The following CEP192 variants were observed in gnomAD, a reference collection of about 807,000 sequenced individuals.
CEP192 encodes the protein centrosomal protein of 192 kDa.
A neutral mutation model predicts 271.8 loss-of-function variants in CEP192; 151 were observed. The observed-to-expected ratio is 0.56, with a 90% CI of 0.49 to 0.64. The LOEUF is 0.64. CEP192 is among the 30% of genes least tolerant of loss of function. CEP192 has a pLI of 0.00. For synonymous variants in CEP192, 995 were observed against 1,076.5 expected (o/e 0.92, Z 1.48); for missense variants, 2,910 against 3,020.5 (o/e 0.96, Z 0.86).
At chr18:13,122,895 A>G (rs2040738810) in intron 44 of CEP192, among the ~76,000 whole-genome samples, 1 of 152,042 alleles carries the variant, frequency 6.6e-6, no homozygotes, top group African/African-American at 2.4e-5. Flanking sequence ...TAGTATTACA[A>G]AGTACTTTTT....
intron 15 of CEP192, among the ~76,000 whole-genome samples, chr18:13,045,942 G>C (rs765055800): frequency 1.6e-4 from 24 of 152,110 alleles, no homozygotes; most frequent in Non-Finnish European, 2.6e-4. Flanking sequence ...TTATATTTCA[G>C]ATGTTATAGG....
chr18:13,087,519 TC>T lies in CEP192; in HGVS notation c.5878-11del. ...TTAATATTTACTCCTGATTTTTTTT[TC>T]TTGGCATCAGAATGTTACTTTAATA... On this transcript the variant is annotated splice_polypyrimidine_tract_variant and intron_variant, in intron 31 of 44. Coordinates refer to ENST00000506447, the MANE Select transcript of CEP192 (RefSeq NM_032142.4). The T allele has an allele frequency of 4.8e-6, 6 of 1,261,398 alleles. No individual in the cohort carries two copies. Among genetic ancestry groups the T allele is most frequent in the South Asian group, 2.7e-5 (2 of 73,290 alleles). 78.1% of individuals were successfully genotyped at this position (1,261,398 alleles called of 1,614,324 possible).
intron 32 of CEP192, chr18:13,088,994 AT>A: frequency 4.0e-5 from 15 of 377,432 alleles, no homozygotes; most frequent in South Asian, 6.1e-5. Context: ...CAGTAGTGAG[AT>A]TTTTTTTGTG....
intron 9 of CEP192, among the ~76,000 whole-genome samples, chr18:13,025,675 T>C (rs745438768): frequency 6.6e-6 from 1 of 152,254 alleles, no homozygotes; most frequent in Non-Finnish European, 1.5e-5. Context: ...AACATTACAC[T>C]GCTTAACAGG....
chr18:13,034,046 A>G (rs958952370), intron 11 of CEP192, among the ~76,000 whole-genome samples: 5 of 152,190 alleles, frequency 3.3e-5, no homozygotes, highest in Non-Finnish European at 7.3e-5. Context: ...ATACCCTTGT[A>G]AGTCTTTGGT....
chr18:13,053,181 A>G, intron 18 of CEP192, 91 bp downstream of exon 18: 4 of 1,062,288 alleles, frequency 3.8e-6, no homozygotes, highest in Non-Finnish European at 4.0e-6. Flanking sequence ...TCAAGCCTAT[A>G]TAACTTCAGT....
At chr18:13,120,843 A>G (rs541080896) in intron 44 of CEP192, among the ~76,000 whole-genome samples, 20 of 152,378 alleles carry the variant, frequency 1.3e-4, no homozygotes, top group African/African-American at 4.8e-4. Flanking sequence ...TAAGAAAATC[A>G]TGTGTATAAA....
rs2036658539 is a variant in CEP192, at chr18:13,049,488, A to G, written c.2697A>G (p.Ser899=). ...TTGGTAACGATGAAAAAGCTACCTC[A>G]ATTTCCACTCCATCTGATAGTTATT... ...QDVGNDEKAT[S]ISTPSDSYSS... is the part of the protein sequence containing the mutation. Residue 899 remains serine, a synonymous_variant, in exon 16 of 45, where the codon TCA becomes TCG. Coordinates refer to ENST00000506447, the MANE Select transcript of CEP192 (RefSeq NM_032142.4). 2 of 1,613,964 alleles carry G rather than the reference A, an allele frequency of 1.2e-6. No individual in the cohort carries two copies. Among genetic ancestry groups the G allele is most frequent in the Non-Finnish European group, 1.7e-6 (2 of 1,180,002 alleles).
chr18:13,117,807 C>T (rs573343824), intron 44 of CEP192, among the ~76,000 whole-genome samples, 164 bp downstream of exon 44: 4 of 152,248 alleles, frequency 2.6e-5, no homozygotes, highest in African/African-American at 9.6e-5. Flanking sequence ...AGAAAAGGAG[C>T]CTGCAGGGGG....
intron 9 of CEP192, 58 bp from the exon 10 acceptor site, chr18:13,029,605 T>C: frequency 9.5e-7 from 1 of 1,058,150 alleles, no homozygotes; most frequent in Non-Finnish European, 1.3e-6. Flanking sequence ...TTAAAATAAG[T>C]TATAAAAAAC....
intron 39 of CEP192, 132 bp from the exon 40 acceptor site, chr18:13,104,852 A>C (rs991764018): frequency 1.4e-6 from 1 of 692,126 alleles, no homozygotes; most frequent in South Asian, 1.8e-5. Context: ...CATTTTGGGA[A>C]TACCTTGTGT....
chr18:13,076,279 G>A (rs2038271414), intron 30 of CEP192, among the ~76,000 whole-genome samples: 1 of 152,172 alleles, frequency 6.6e-6, no homozygotes, highest in African/African-American at 2.4e-5. Flanking sequence ...CCAGGCGGGA[G>A]TGCAGTGGCA....
chr18:13,008,575 A>G lies in CEP192; in HGVS notation c.410A>G (p.Glu137Gly). ...GPEEEPAGAT[E>G]SLQGQDLFNR... ...GAAGAGGAGCCAGCCGGAGCTACAG[A>G]ATCCTTGCAGGGCCAAGATCTCTTC... The change falls in exon 4 of 45, where the codon GAA (glutamate) becomes GGA (glycine). Residue 137 changes from glutamate (E) to glycine (G), a missense_variant. By Grantham distance (98) the Glu-to-Gly change is moderately conservative. Transcript: ENST00000506447. 2 of 1,551,692 alleles carry G rather than the reference A, an allele frequency of 1.3e-6. No individual in the cohort carries two copies. Among genetic ancestry groups the G allele is most frequent in the Non-Finnish European group, 1.7e-6 (2 of 1,146,972 alleles).
intron 21 of CEP192, among the ~76,000 whole-genome samples, chr18:13,063,797 C>G (rs2037536742): frequency 6.6e-6 from 1 of 150,426 alleles, no homozygotes; most frequent in Non-Finnish European, 1.5e-5. Context: ...TTGCCCAGAT[C>G]AATGTCCTGG....
At chr18:13,066,244 A>G (rs907225527) in intron 21 of CEP192, among the ~76,000 whole-genome samples, 1 of 152,168 alleles carries the variant, frequency 6.6e-6, no homozygotes, top group Admixed American at 6.5e-5. Flanking sequence ...TTATCAAGCT[A>G]TTTATACATC....
chr18:13,103,836 T>C (rs1329146552), intron 39 of CEP192: 1 of 567,712 alleles, frequency 1.8e-6, no homozygotes, highest in Non-Finnish European at 3.3e-6. Flanking sequence ...ACCACAGGTG[T>C]GCACCACCAT....
chr18:13,097,242 A>T (rs2039444234), intron 36 of CEP192, among the ~76,000 whole-genome samples: 1 of 152,112 alleles, frequency 6.6e-6, no homozygotes, highest in African/African-American at 2.4e-5. Context: ...TTAGCAGGGG[A>T]AGACAATCTT....
chr18:13,010,887 A>T (rs916459042), intron 4 of CEP192, among the ~76,000 whole-genome samples: 3 of 152,020 alleles, frequency 2.0e-5, no homozygotes, highest in Non-Finnish European at 2.9e-5. Flanking sequence ...CAGTAAACAC[A>T]TGAAAATATA....
chr18:13,028,321 T>C (rs1349548553), intron 9 of CEP192, among the ~76,000 whole-genome samples: 4 of 152,250 alleles, frequency 2.6e-5, no homozygotes, highest in African/African-American at 9.6e-5. Context: ...TGTTTCAGAA[T>C]AATATCGCAA....
Sources: gnomAD v4.1 joint callset for allele counts (sites outside exome capture counted in the v4.1 genomes callset) on GRCh38, gnomAD v4.1.1 for gene constraint, MANE v1.5 for transcripts, NCBI Gene and HGNC (gene_info 2026-07-23, HGNC 2026-07-21) for gene names.